Variants in LDHC observed in about 807,000 individuals in gnomAD.
The protein encoded by LDHC is lactate dehydrogenase C, also known as L-lactate dehydrogenase C chain.
In LDHC, 20 loss-of-function variants were observed where a neutral mutation model predicts 30.2. The ratio of observed to expected loss-of-function variants is 0.66; its 90% CI spans 0.47 to 0.96. The LOEUF (loss-of-function observed/expected upper bound fraction) is 0.96. LDHC is among the 40% of genes least tolerant of loss of function. The pLI, the probability that LDHC is intolerant of heterozygous loss-of-function variation, is 0.00. For missense variants in LDHC, 362 were observed against 394.9 expected (o/e 0.92, Z 0.71); for synonymous variants, 139 against 132.7 (o/e 1.05, Z -0.32).
intron 2 of LDHC, among the ~76,000 whole-genome samples, chr11:18,413,328 C>T (rs113383201): frequency 0.014 from 2,174 of 152,210 alleles, 58 homozygotes; most frequent in African/African-American, 0.049. Flanking sequence ...AGTGATCCGC[C>T]TGCCTCGGCC....
At chr11:18,422,748 C>T (rs1007391694) in intron 3 of LDHC, among the ~76,000 whole-genome samples, 3 of 151,728 alleles carry the variant, frequency 2.0e-5, no homozygotes, top group Admixed American at 1.3e-4. Context: ...TTTGGGAAGC[C>T]GAGGCGGGAG....
intron 2 of LDHC, 82 bp from the exon 3 acceptor site, chr11:18,415,102 A>G (rs1235743846): frequency 2.8e-6 from 2 of 702,680 alleles, no homozygotes; most frequent in Non-Finnish European, 5.0e-6. Context: ...TCCTTTAATT[A>G]TCAAGTAGCC....
chr11:18,415,043 T>C, intron 2 of LDHC, 141 bp from the exon 3 acceptor site: 2 of 520,496 alleles, frequency 3.8e-6, no homozygotes, highest in Non-Finnish European at 6.8e-6. Context: ...TCACCCAGGC[T>C]CATTGAAAAA....
intron 7 of LDHC, among the ~76,000 whole-genome samples, chr11:18,449,518 A>G (rs749120549): frequency 2.0e-5 from 3 of 150,842 alleles, no homozygotes; most frequent in African/African-American, 4.9e-5. Flanking sequence ...GCCTGGCTGA[A>G]TAGAATGTGG....
In LDHC at chr11:18,415,203, C is replaced by T; in HGVS notation, c.146C>T (p.Ala49Val). 6.2e-7 allele frequency: 1 copy of T among 1,602,142 alleles called. No homozygotes were observed. Among genetic ancestry groups the T allele is most frequent in the Non-Finnish European group, 8.5e-7 (1 of 1,171,558 alleles). Residue 49 changes from alanine (A) to valine (V), a missense_variant, in exon 3 of 8, where the codon GCC becomes GTC. Physicochemically the swap from Ala to Val is moderately conservative, Grantham distance 64. Coordinates refer to ENST00000541669, the MANE Select transcript of LDHC (RefSeq NM_017448.5). ...ILLKDLADEL[A>V]LVDVALDKLK... is the part of the protein sequence containing the mutation. The stretch of plus-strand genomic sequence containing the variant: ...TTTTAGGATTTGGCTGATGAACTTG[C>T]CCTTGTTGATGTTGCATTGGACAAA...
At chr11:18,415,086 T>G in intron 2 of LDHC, 98 bp from the exon 3 acceptor site, 16 of 635,448 alleles carry the variant, frequency 2.5e-5, no homozygotes, top group South Asian at 4.5e-5. Flanking sequence ...TATTAAAATA[T>G]GAGATTCCTT....
intron 3 of LDHC, among the ~76,000 whole-genome samples, chr11:18,421,572 CT>C (rs1848051724): frequency 6.6e-6 from 1 of 152,028 alleles, no homozygotes; most frequent in Non-Finnish European, 1.5e-5. Flanking sequence ...ACTCAGGAAC[CT>C]GAGGCAGGAG....
chr11:18,429,370 C>T (rs1307775172), intron 3 of LDHC, among the ~76,000 whole-genome samples: 1 of 152,086 alleles, frequency 6.6e-6, no homozygotes, highest in Non-Finnish European at 1.5e-5. Flanking sequence ...CTTGGCCTCC[C>T]AAAGTTCTGG....
chr11:18,431,348 G>A (rs146112584), intron 4 of LDHC, among the ~76,000 whole-genome samples: 2,301 of 152,098 alleles, frequency 0.015, 59 homozygotes, highest in African/African-American at 0.052. Context: ...TGTAATCCCA[G>A]CTACTCAAGA....
intron 6 of LDHC, among the ~76,000 whole-genome samples, chr11:18,439,155 A>G (rs895572844): frequency 7.9e-5 from 12 of 152,218 alleles, no homozygotes; most frequent in South Asian, 4.1e-4. Flanking sequence ...AGAAATCAAT[A>G]TGGTTTTCTT....
At chr11:18,445,015 T>A (rs901363221) in intron 6 of LDHC, among the ~76,000 whole-genome samples, 2 of 152,110 alleles carry the variant, frequency 1.3e-5, no homozygotes, top group Admixed American at 1.3e-4. Flanking sequence ...AAATTTATAT[T>A]TTTTACAAGC....
chr11:18,439,968 G>A (rs1417286088), intron 6 of LDHC, among the ~76,000 whole-genome samples: 1 of 150,740 alleles, frequency 6.6e-6, no homozygotes, highest in Non-Finnish European at 1.5e-5. Flanking sequence ...ATCCAGCCTG[G>A]GCAACAGAGC....
chr11:18,439,177 A>C (rs761073076), intron 6 of LDHC, among the ~76,000 whole-genome samples: 1 of 152,220 alleles, frequency 6.6e-6, no homozygotes, highest in African/African-American at 2.4e-5. Flanking sequence ...TAAATGAAGC[A>C]TCTGACTCCA....
intron 5 of LDHC, among the ~76,000 whole-genome samples, chr11:18,436,647 C>T (rs549387326): frequency 1.4e-4 from 22 of 151,900 alleles, no homozygotes; most frequent in African/African-American, 3.9e-4. Flanking sequence ...CCACCACACC[C>T]GACTAATTTT....
chr11:18,421,178 C>G (rs1026984930), intron 3 of LDHC, among the ~76,000 whole-genome samples: 2 of 151,988 alleles, frequency 1.3e-5, no homozygotes, highest in African/African-American at 2.4e-5. Flanking sequence ...CTCAGCCTCT[C>G]GAGTAGCTGA....
At chr11:18,425,245 T>C (rs911989891) in intron 3 of LDHC, among the ~76,000 whole-genome samples, 4 of 152,078 alleles carry the variant, frequency 2.6e-5, no homozygotes, top group Non-Finnish European at 5.9e-5. Flanking sequence ...GGTGTGATCA[T>C]AGCTCACCAC....
At chr11:18,442,549 C>T (rs543493625) in intron 6 of LDHC, among the ~76,000 whole-genome samples, 4 of 152,088 alleles carry the variant, frequency 2.6e-5, no homozygotes, top group Admixed American at 2.6e-4. Context: ...TTTGGTAATT[C>T]TTAACCAACT....
Position 18,412,985 on chromosome 11 carries a change from C to G in LDHC, c.126+142C>G, listed in dbSNP as rs77405133. The G allele has an allele frequency of 3.6e-4, 128 of 356,366 alleles. 1 individual carries two copies. Among genetic ancestry groups the G allele is most frequent in the South Asian group, 6.7e-4 (6 of 9,012 alleles). The allele number at this position is 356,366 out of a possible 1,614,324, so 22.1% of individuals were successfully genotyped here. On this transcript the variant is annotated intron_variant, in intron 2 of 7. Transcript: ENST00000541669. ...ACCTTTCCTCCCTCCCTCCCTCCCT[C>G]CCTTCCTTCCTTCCTTCCTTCCTTT...
intron 6 of LDHC, among the ~76,000 whole-genome samples, chr11:18,445,303 C>G (rs947338860): frequency 6.6e-6 from 1 of 152,108 alleles, no homozygotes; most frequent in Admixed American, 6.5e-5. Flanking sequence ...ATTCTCCTAC[C>G]TCAGCCTCTC....
Sources: allele counts gnomAD v4.1 joint callset (sites outside exome capture counted in the v4.1 genomes callset), GRCh38; gene constraint gnomAD v4.1.1; transcripts MANE v1.5; gene names NCBI Gene and HGNC (gene_info 2026-07-23, HGNC 2026-07-21).